Variants in KLK7 observed in about 807,000 individuals in gnomAD.
KLK7 encodes kallikrein related peptidase 7, also known as kallikrein-7.
In KLK7, 17 loss-of-function variants were observed where a neutral mutation model predicts 21.0. That is an observed-to-expected ratio of 0.81 (90% CI 0.55 to 1.21). KLK7 has a LOEUF of 1.21. Ranked by LOEUF, KLK7 falls within the 50% of genes most tolerant of loss-of-function variation. The probability of loss-of-function intolerance (pLI) is 0.00; values close to 1 mark genes in which losing one functional copy is unlikely to be tolerated. For synonymous variants in KLK7, 151 were observed against 134.6 expected, an observed-to-expected ratio of 1.12 and a Z score of -0.85; for missense variants, 330 against 322.8, an observed-to-expected ratio of 1.02 and a Z score of -0.17.
chr19:50,981,682 G>T, intron 3 of KLK7, 85 bp downstream of exon 3: 1 of 1,289,698 alleles, frequency 7.8e-7, no homozygotes, highest in Non-Finnish European at 1.1e-6. Flanking sequence ...GAATAGAGCC[G>T]TAGGCACAGA....
chr19:50,979,646 G>A (rs2091060969), intron 5 of KLK7, 142 bp downstream of exon 5: 1 of 750,486 alleles, frequency 1.3e-6, no homozygotes. Context: ...GGCAGAGAAT[G>A]AGGTGGAAAA....
Position 50,977,340 on chromosome 19 carries a change from C to G in KLK7, c.*196G>C. 2 of 586,272 alleles carry G rather than the reference C, an allele frequency of 3.4e-6. No homozygotes were observed. The highest frequency in any genetic ancestry group is 6.0e-6 in the Non-Finnish European group (2 of 331,372). The allele number at this position is 586,272 out of a possible 1,614,324, so 36.3% of individuals were successfully genotyped here. A position where few individuals can be genotyped will look rare whatever the true frequency, so the allele number is the denominator to read the frequency against. On this transcript the variant is annotated 3_prime_UTR_variant, in exon 6 of 6. Transcript: ENST00000595820. ...TGGTCTCACTGACTCTTCTCCAGCA[C>G]TGAGGGTTTTGTGTTTCTTTATTTG...
chr19:50,982,881 GGCCCCAA>G (rs1296473236), intron 1 of KLK7, among the ~76,000 whole-genome samples: 11 of 91,812 alleles, frequency 1.2e-4, no homozygotes, highest in African/African-American at 4.7e-4. Flanking sequence ...CAGGAGTCCA[GGCCCCAA>G]CCCCTCCTCC....
chr19:50,983,880 C>T lies in KLK7; in HGVS notation c.-88G>A, dbSNP rs1353633194. 2 of 1,289,180 alleles carry T rather than the reference C, an allele frequency of 1.6e-6. No homozygotes were observed. The highest frequency in any genetic ancestry group is 2.3e-5 in the Admixed American group (1 of 43,546). The allele number at this position is 1,289,180 out of a possible 1,614,324, so 79.9% of individuals were successfully genotyped here. ...AGAGGATCTGATGTGATCCAAGTTC[C>T]GACTTGGGCTGGCACACAGCTGGGC... On this transcript the variant is annotated 5_prime_UTR_variant, in exon 1 of 6. Transcript: ENST00000595820.
Position 50,980,503 on chromosome 19 carries a change from T to C in KLK7, c.222-16A>G. On this transcript the variant is annotated splice_polypyrimidine_tract_variant and intron_variant, in intron 3 of 5. Coordinates refer to ENST00000595820, the MANE Select transcript of KLK7 (RefSeq NM_005046.4). ...GGTGTACTCACTGCGAGGAGTGACA[T>C]TCACAGATTCAGAAGAGACACTGTG... is the stretch of plus-strand genomic sequence containing the variant. 6.2e-7 allele frequency: 1 copy of C among 1,613,242 alleles called. No individual in the cohort carries two copies. The highest frequency in any genetic ancestry group is 8.5e-7 in the Non-Finnish European group (1 of 1,179,662).
intron 3 of KLK7, among the ~76,000 whole-genome samples, chr19:50,981,288 C>A (rs1361420501): frequency 7.9e-6 from 1 of 126,422 alleles, no homozygotes; most frequent in Non-Finnish European, 1.6e-5. Flanking sequence ...GGAGGGGGAA[C>A]AGAGACCCGG....
chr19:50,977,376 A>G lies in KLK7; in HGVS notation c.*160T>C. 1 of 693,326 alleles carries G rather than the reference A, an allele frequency of 1.4e-6. No homozygotes were observed. The highest frequency in any genetic ancestry group is 2.4e-6 in the Non-Finnish European group (1 of 411,612). 42.9% of individuals were successfully genotyped at this position (693,326 alleles called of 1,614,324 possible). A position where few individuals can be genotyped will look rare whatever the true frequency, so the allele number is the denominator to read the frequency against. ...GTGTTTCTTTATTTGTTTTGGTTTT[A>G]GGTCTTTACCAATTTGATTGGTTTA... On this transcript the variant is annotated 3_prime_UTR_variant, in exon 6 of 6. Transcript: ENST00000595820.
Position 50,983,841 on chromosome 19 carries a change from C to T in KLK7, c.-59+10G>A, listed in dbSNP as rs774358622. Reference sequence around the variant, plus strand: ...CCTACAGGTGCACCCTTGATGAAGCCTCTTCTCACCTCGAGAGGATCTGAT... The same window carrying T: ...CCTACAGGTGCACCCTTGATGAAGCTTCTTCTCACCTCGAGAGGATCTGAT... On this transcript the variant is annotated intron_variant, in intron 1 of 5. Transcript: ENST00000595820. The T allele has an allele frequency of 2.3e-6, 3 of 1,289,160 alleles. No homozygotes were observed. Among genetic ancestry groups the T allele is most frequent in the South Asian group, 1.2e-5 (1 of 81,022 alleles). The allele number at this position is 1,289,160 out of a possible 1,614,324, so 79.9% of individuals were successfully genotyped here.
chr19:50,978,208 T>A (rs1485947556), intron 5 of KLK7, among the ~76,000 whole-genome samples: 1 of 152,186 alleles, frequency 6.6e-6, no homozygotes, highest in East Asian at 1.9e-4. Flanking sequence ...AGTGTGGGGC[T>A]CTGTGTCCGT....
Position 50,981,804 on chromosome 19 carries a change from C to G in KLK7, c.184G>C (p.Glu62Gln). ...TGGGCGGCAGTGAGCACCCAGCGCTCATTGACCAGGACGCCTCCGCAGTGG... is the reference window on the plus strand; with the variant it reads ...TGGGCGGCAGTGAGCACCCAGCGCTGATTGACCAGGACGCCTCCGCAGTGG... ...QLHCGGVLVN[E>Q]RWVLTAAHCK... Residue 62 changes from glutamate (E) to glutamine (Q), a missense_variant, in exon 3 of 6, where the codon GAG (glutamate) becomes CAG (glutamine). Coordinates refer to ENST00000595820, the MANE Select transcript of KLK7 (RefSeq NM_005046.4). The G allele has an allele frequency of 6.3e-7, 1 of 1,595,140 alleles. No homozygotes were observed. The highest frequency in any genetic ancestry group is 8.5e-7 in the Non-Finnish European group (1 of 1,172,404).
Position 50,977,677 on chromosome 19 carries a change from T to C in KLK7, c.621A>G (p.Gly207=). 2 of 1,613,040 alleles carry C rather than the reference T, an allele frequency of 1.2e-6. No homozygotes were observed. The highest frequency in any genetic ancestry group is 1.7e-6 in the Non-Finnish European group (2 of 1,179,882). The change falls in exon 6 of 6, where the codon GGA becomes GGG. Residue 207 remains glycine, a synonymous_variant. Coordinates refer to ENST00000595820, the MANE Select transcript of KLK7 (RefSeq NM_005046.4). ...KKNACNGDSG[G]PLVCRGTLQG... ...GCAGGGTACCTCTGCACACCAACGG[T>C]CCCCCTGAGTCACCCTAGAGGGAAT...
At position 50,983,899 on chromosome 19, in the gene KLK7, G is replaced by T; in HGVS notation, c.-107C>A. ...AAGTTCCGACTTGGGCTGGCACACA[G>T]CTGGGCTCCAAAATCTTCATCCCTC... On this transcript the variant is annotated 5_prime_UTR_variant, in exon 1 of 6. The change creates a new upstream start codon in the 5' untranslated region. Coordinates refer to ENST00000595820, the MANE Select transcript of KLK7 (RefSeq NM_005046.4). The T allele has an allele frequency of 7.8e-7, 1 of 1,289,106 alleles. No individual in the cohort carries two copies. Among genetic ancestry groups the T allele is most frequent in the Non-Finnish European group, 1.0e-6 (1 of 988,712 alleles). 79.9% of individuals were successfully genotyped at this position (1,289,106 alleles called of 1,614,324 possible).
At chr19:50,980,125 G>T in intron 4 of KLK7, 115 bp downstream of exon 4, 2 of 1,281,356 alleles carry the variant, frequency 1.6e-6, no homozygotes, top group Admixed American at 4.4e-5. Context: ...TCTGAGGGAG[G>T]AGGGGCTGAG....
chr19:50,978,161 A>G (rs2091050585), intron 5 of KLK7, among the ~76,000 whole-genome samples: 1 of 152,226 alleles, frequency 6.6e-6, no homozygotes, highest in African/African-American at 2.4e-5. Context: ...TCAAGACAAC[A>G]GCAGGAATGC....
rs185431249 is a variant in KLK7, at chr19:50,981,568, C to T, written c.221+199G>A. Among the ~76,000 whole-genome samples the T allele has an allele frequency of 1.2e-4, 16 of 133,088 alleles. 1 individual carries two copies. The South Asian group carries it at 1.7e-3, about 14-fold the overall frequency. The allele number at this position is 133,088 out of a possible 152,430, so 87.3% of individuals were successfully genotyped here. The stretch of plus-strand genomic sequence containing the variant: ...AGATCCAGAGAGAGGGGGACAGAGA[C>T]CCAGAGAGAGGGAGACAGAGAGCCA... On this transcript the variant is annotated intron_variant, in intron 3 of 5. Transcript: ENST00000595820.
At chr19:50,982,192 G>C (rs540053448) in intron 2 of KLK7, 135 bp downstream of exon 2, 28 of 1,171,566 alleles carry the variant, frequency 2.4e-5, no homozygotes, top group Non-Finnish European at 3.1e-5. Flanking sequence ...CAGGAAGAGC[G>C]GGGGCTTCAG....
Position 50,979,921 on chromosome 19 carries a change from G to T in KLK7, c.473C>A (p.Thr158Asn), listed in dbSNP as rs1267864554. The T allele has an allele frequency of 3.1e-6, 5 of 1,595,190 alleles. No individual in the cohort carries two copies. In the African/African-American group the frequency reaches 6.7e-5, roughly 21 times the overall value. ...CACGCACATGAGGTCAGAGGGAAAG[G>T]TCACTGCAGGGAGGAGCAGGGAGAG... ...GWGTTTSPDV[T>N]FPSDLMCVDV... is the part of the protein sequence containing the mutation. The change falls in exon 5 of 6, where the codon ACC (threonine) becomes AAC (asparagine). Residue 158 changes from threonine (T) to asparagine (N), a missense_variant. Coordinates refer to ENST00000595820, the MANE Select transcript of KLK7 (RefSeq NM_005046.4).
intron 2 of KLK7, 154 bp from the exon 3 acceptor site, chr19:50,982,068 GA>G: frequency 1.1e-6 from 1 of 914,658 alleles, no homozygotes. Context: ...GAGACAGACA[GA>G]AGGAGCCCAC....
At chr19:50,978,957 G>T (rs1331299414) in intron 5 of KLK7, among the ~76,000 whole-genome samples, 3 of 151,614 alleles carry the variant, frequency 2.0e-5, no homozygotes, top group Non-Finnish European at 4.4e-5. Context: ...AGAGGGAGAA[G>T]ACAGAGAGCA....
Sources: allele counts gnomAD v4.1 joint callset (sites outside exome capture counted in the v4.1 genomes callset), GRCh38; gene constraint gnomAD v4.1.1; transcripts MANE v1.5; gene names NCBI Gene and HGNC (gene_info 2026-07-23, HGNC 2026-07-21).